CACNA2D4: variants seen among roughly 807,000 people sequenced by gnomAD.
CACNA2D4 encodes calcium voltage-gated channel auxiliary subunit alpha2delta 4.
A neutral mutation model predicts 163.8 loss-of-function variants in CACNA2D4; 157 were observed. The observed-to-expected ratio is 0.96, with a 90% CI of 0.84 to 1.09. The LOEUF is 1.09. Among genes scored for constraint, CACNA2D4 ranks in the 50% least tolerant of loss-of-function variants. The pLI, the probability that CACNA2D4 is intolerant of heterozygous loss-of-function variation, is 0.00. For missense variants in CACNA2D4, 1,410 were observed against 1,479.9 expected (o/e 0.95, Z 0.78); for synonymous variants, 598 against 586.9 (o/e 1.02, Z -0.27).
In CACNA2D4 at chr12:1,810,334, C is replaced by A; in HGVS notation, c.2665G>T (p.Asp889Tyr). 1 of 1,613,842 alleles carries A rather than the reference C, an allele frequency of 6.2e-7. No homozygotes were observed. The highest frequency in any genetic ancestry group is 8.5e-7 in the Non-Finnish European group (1 of 1,179,792). Residue 889 changes from aspartate to tyrosine, a missense_variant, in exon 29 of 38, where the codon GAC becomes TAC. Transcript: ENST00000382722. ...CTQSCEDSDL[D>Y]CFVIDNNGFI... Reference sequence around the variant, plus strand: ...CCGTTGTTGTCGATGACGAAGCAGTCCAGATCCTGGGAGGAAACCCAGAAG... The same window carrying A: ...CCGTTGTTGTCGATGACGAAGCAGTACAGATCCTGGGAGGAAACCCAGAAG...
At position 1,879,859 on chromosome 12, in the gene CACNA2D4, C is replaced by T. The variant is rs77736644; in HGVS notation, c.1508G>A (p.Ser503Asn). Residue 503 changes from serine (S) to asparagine (N), a missense_variant, in exon 14 of 38, where the codon AGC becomes AAC. Coordinates refer to ENST00000382722, the MANE Select transcript of CACNA2D4 (RefSeq NM_172364.5). ...GGCCACAGTGGTGAGCAGTGTCAGGCTCTGAGCCTGCGAGCTGAGGAGCTG... is the reference window on the plus strand; with the variant it reads ...GGCCACAGTGGTGAGCAGTGTCAGGTTCTGAGCCTGCGAGCTGAGGAGCTG... Reference protein sequence around the residue: ...DSKLLSSQAQSLTLLTTVAMP... With the variant: ...DSKLLSSQAQNLTLLTTVAMP... The T allele has an allele frequency of 1.4e-3, 2,189 of 1,601,120 alleles. 19 individuals are homozygous for T. The African/African-American group carries it at 0.026, about 19-fold the overall frequency.
chr12:1,793,067 A>T lies in CACNA2D4; in HGVS notation c.*588T>A, dbSNP rs1050363488. ...TCAGTCTTGACCATTCCCTTACCCA[A>T]CCCCCACCCCAACACAGTCAAAACC... is the stretch of plus-strand genomic sequence containing the variant. On this transcript the variant is annotated 3_prime_UTR_variant, in exon 38 of 38. Transcript: ENST00000382722. The T allele has an allele frequency of 6.6e-6, 1 of 152,614 alleles. No homozygotes were observed. Among genetic ancestry groups the T allele is most frequent in the African/African-American group, 2.4e-5 (1 of 41,294 alleles). The allele number at this position is 152,614 out of a possible 1,614,324, so 9.5% of individuals were successfully genotyped here.
chr12:1,827,827 G>C (rs1864410589), intron 26 of CACNA2D4: 2 of 333,440 alleles, frequency 6.0e-6, no homozygotes, highest in Admixed American at 9.7e-5. Flanking sequence ...TAGGCCCATG[G>C]GTGCACCCCC....
At chr12:1,911,311 G>A (rs1452972126) in intron 3 of CACNA2D4, among the ~76,000 whole-genome samples, 1 of 152,052 alleles carries the variant, frequency 6.6e-6, no homozygotes, top group Non-Finnish European at 1.5e-5. Context: ...CACCGTGCCT[G>A]GCACAATTTT....
At chr12:1,913,402 T>G (rs1866883944) in intron 2 of CACNA2D4, among the ~76,000 whole-genome samples, 1 of 152,166 alleles carries the variant, frequency 6.6e-6, no homozygotes, top group African/African-American at 2.4e-5. Context: ...AGACCGAGGC[T>G]CAGAGAAGTC....
At chr12:1,902,455 A>G (rs930587779) in intron 6 of CACNA2D4, among the ~76,000 whole-genome samples, 3 of 152,058 alleles carry the variant, frequency 2.0e-5, no homozygotes, top group African/African-American at 4.8e-5. Flanking sequence ...ATGATCTTAT[A>G]TTAGGAAAAC....
Position 1,806,498 on chromosome 12 carries a change from CT to C in CACNA2D4, c.2721+3779del, listed in dbSNP as rs1565674997. On this transcript the variant is annotated intron_variant, in intron 29 of 37. Transcript: ENST00000382722. The surrounding 1 kb of genome is among the most constrained non-coding windows in gnomAD (Gnocchi z 4.1). ...CTACGGGGAGGAGGGTGTGCAAGGA[CT>C]TTGTCTGGGAAGAATCTTTGCATCT... Among the ~76,000 whole-genome samples the C allele has an allele frequency of 6.6e-6, 1 of 152,206 alleles. No individual in the cohort carries two copies. Among genetic ancestry groups the C allele is most frequent in the African/African-American group, 2.4e-5 (1 of 41,452 alleles).
chr12:1,811,152 C>T (rs559607346), intron 27 of CACNA2D4, among the ~76,000 whole-genome samples: 3 of 152,250 alleles, frequency 2.0e-5, no homozygotes, highest in Admixed American at 6.5e-5. Context: ...CCGAGGGGCT[C>T]GGCGTTGCAG....
intron 2 of CACNA2D4, among the ~76,000 whole-genome samples, chr12:1,914,125 T>C (rs1459008895): frequency 6.6e-6 from 1 of 152,152 alleles, no homozygotes; most frequent in Admixed American, 6.5e-5. Flanking sequence ...AGCAGGGACA[T>C]GTGGTCACAT....
chr12:1,820,128 G>A lies in CACNA2D4; in HGVS notation c.2552-8405C>T, dbSNP rs1433301661. The A allele has an allele frequency of 6.6e-6, 1 of 152,240 alleles. No individual in the cohort carries two copies. Among genetic ancestry groups the A allele is most frequent in the Non-Finnish European group, 1.5e-5 (1 of 68,062 alleles). 9.4% of individuals were successfully genotyped at this position (152,240 alleles called of 1,614,324 possible). ...TGTCTCTAAAACAGGAGAAAGACCAGCTTCCCAGGGGGGCCTCCATCGGAA... is the reference window on the plus strand; with the variant it reads ...TGTCTCTAAAACAGGAGAAAGACCAACTTCCCAGGGGGGCCTCCATCGGAA... On this transcript the variant is annotated intron_variant, in intron 26 of 37. Transcript: ENST00000382722. This position sits in a 1 kb window ranked among gnomAD's most constrained non-coding sequence, Gnocchi z 6.0.
chr12:1,891,574 C>T (rs1433495183), intron 6 of CACNA2D4, among the ~76,000 whole-genome samples: 1 of 151,706 alleles, frequency 6.6e-6, no homozygotes, highest in Non-Finnish European at 1.5e-5. Flanking sequence ...TCTTCAGCAA[C>T]AGATTCCAAT....
intron 7 of CACNA2D4, 112 bp downstream of exon 7, chr12:1,886,897 A>G: frequency 2.8e-6 from 2 of 702,754 alleles, no homozygotes; most frequent in Non-Finnish European, 5.1e-6. Context: ...TACACACCCA[A>G]GGCCCTTGAG....
At chr12:1,825,427 G>A (rs1864273769) in intron 26 of CACNA2D4, among the ~76,000 whole-genome samples, 1 of 152,232 alleles carries the variant, frequency 6.6e-6, no homozygotes, top group African/African-American at 2.4e-5. Context: ...CAGAGGAGGT[G>A]TCTTATGGGT....
Position 1,846,659 on chromosome 12 carries a change from G to A in CACNA2D4, c.2277C>T (p.Phe759=), listed in dbSNP as rs759677146. 1.2e-6 allele frequency: 2 copies of A among 1,603,150 alleles called. No homozygotes were observed. Among genetic ancestry groups the A allele is most frequent in the Non-Finnish European group, 1.7e-6 (2 of 1,176,886 alleles). Residue 759 remains phenylalanine, a synonymous_variant, in exon 24 of 38, where the codon TTC becomes TTT. Transcript: ENST00000382722. ...EESEHVVDMA[F]LGTRAGLLRS... ...TCAGGAGGCCAGCCCGGGTGCCCAGGAAGGCCATGTCCACCACGTGTTCAG... is the reference window on the plus strand; with the variant it reads ...TCAGGAGGCCAGCCCGGGTGCCCAGAAAGGCCATGTCCACCACGTGTTCAG...
In CACNA2D4 at chr12:1,918,234, A is replaced by G; in HGVS notation, c.227+13T>C. ...GACCGGGTTTTTGGGGTGGGGTTGA[A>G]CGTGATGCTTACGTTTCCAGAGGAA... On this transcript the variant is annotated intron_variant, in intron 1 of 37. Coordinates refer to ENST00000382722, the MANE Select transcript of CACNA2D4 (RefSeq NM_172364.5). 6.3e-7 allele frequency: 1 copy of G among 1,587,894 alleles called. No homozygotes were observed. Among genetic ancestry groups the G allele is most frequent in the Middle Eastern group, 1.7e-4 (1 of 6,016 alleles).
chr12:1,810,643 C>T (rs554150766), intron 27 of CACNA2D4, 56 bp from the exon 28 acceptor site: 18 of 1,512,626 alleles, frequency 1.2e-5, no homozygotes, highest in Middle Eastern at 1.7e-4. Context: ...AGAAATGGCA[C>T]GTGTAAGTGG....
At chr12:1,911,830 A>G (rs918910056) in intron 3 of CACNA2D4, among the ~76,000 whole-genome samples, 5 of 152,182 alleles carry the variant, frequency 3.3e-5, no homozygotes, top group Non-Finnish European at 4.4e-5. Context: ...TGATCCAAGG[A>G]GGCTGTTTAC....
At chr12:1,839,288 G>T (rs1019289936) in intron 26 of CACNA2D4, among the ~76,000 whole-genome samples, 1 of 152,242 alleles carries the variant, frequency 6.6e-6, no homozygotes, top group Non-Finnish European at 1.5e-5. Flanking sequence ...GTTGGATCGC[G>T]CAACTTTTCA....
intron 35 of CACNA2D4, 42 bp from the exon 36 acceptor site, chr12:1,795,822 C>T: frequency 8.0e-7 from 1 of 1,255,734 alleles, no homozygotes; most frequent in Non-Finnish European, 1.2e-6. Flanking sequence ...CCGTGGCGAC[C>T]ACGAGAAGGG....
Sources: gnomAD v4.1 joint callset for allele counts (sites outside exome capture counted in the v4.1 genomes callset) on GRCh38, gnomAD v4.1.1 for gene constraint, Gnocchi (gnomAD v3.1) non-coding constraint, MANE v1.5 for transcripts, NCBI Gene and HGNC (gene_info 2026-07-23, HGNC 2026-07-21) for gene names.